Variants in ASIC2 observed in about 807,000 individuals in gnomAD.
The protein encoded by ASIC2 is acid sensing ion channel subunit 2.
Under a neutral mutation model 57.3 loss-of-function variants are expected in ASIC2, and 25 were observed. That is an observed-to-expected ratio of 0.44 (90% confidence interval 0.32 to 0.61). The LOEUF is 0.61. Ranked by LOEUF, ASIC2 falls within the 20% of genes least tolerant of loss-of-function variation. The pLI is 0.06. For missense variants in ASIC2, 641 were observed against 738.1 expected (o/e 0.87, Z 1.52); for synonymous variants, 319 against 307.5 (o/e 1.04, Z -0.39).
chr17:33,023,886 A>G lies in ASIC2; in HGVS notation c.1324T>C (p.Phe442Leu), dbSNP rs2091848927. ...KTSAKYLEKK[F>L]NKSEKYISEN... ...GAGATATATTTTTCTGATTTGTTAA[A>G]TTTCTTCTCAAGGTACTTGGCTGAT... Residue 442 changes from phenylalanine to leucine, a missense_variant, in exon 6 of 10, where the codon TTT becomes CTT. Physicochemically the swap from Phe to Leu is conservative, Grantham distance 22 (BLOSUM62 0). This residue lies in a region of ASIC2 where 252 missense variants were observed against 319.8 expected (regional missense o/e 0.79). Transcript: ENST00000225823. The G allele has an allele frequency of 6.2e-7, 1 of 1,613,980 alleles. No individual in the cohort carries two copies. Among genetic ancestry groups the G allele is most frequent in the African/African-American group, 1.3e-5 (1 of 74,864 alleles).
rs377088197 is a variant in ASIC2 at position 33,868,434 on chromosome 17, A to G, written c.555+287544T>C. ...TGAAGTCAGACCCCTACCTCACACCATTTGCAAAAGTTTTAATGCAAAATG... is the reference window on the plus strand; with the variant it reads ...TGAAGTCAGACCCCTACCTCACACCGTTTGCAAAAGTTTTAATGCAAAATG... On this transcript the variant is annotated intron_variant, in intron 1 of 9. Coordinates refer to the ASIC2 transcript ENST00000359872. Among the ~76,000 whole-genome samples the G allele has an allele frequency of 1.1e-3, 166 of 152,344 alleles. 2 individuals carry two copies. In the South Asian group the frequency reaches 0.031, roughly 28 times the overall value.
intron 1 of ASIC2, among the ~76,000 whole-genome samples, chr17:33,435,834 C>G (rs532584505): frequency 6.6e-6 from 1 of 152,326 alleles, no homozygotes; most frequent in South Asian, 2.1e-4. Flanking sequence ...CACTTGTGGT[C>G]TGGCCAAAGT....
chr17:33,867,807 C>A (rs993829945), intron 1 of ASIC2, among the ~76,000 whole-genome samples: 1 of 152,168 alleles, frequency 6.6e-6, no homozygotes, highest in South Asian at 2.1e-4. Flanking sequence ...TATATCTTTA[C>A]CTTATCAAGG....
intron 1 of ASIC2, among the ~76,000 whole-genome samples, chr17:33,464,342 A>C (rs1191262888): frequency 6.6e-6 from 1 of 152,114 alleles, no homozygotes; most frequent in Non-Finnish European, 1.5e-5. Context: ...GTGTGAACCA[A>C]ATTGGAAAGC....
chr17:33,751,499 G>A (rs763330065), intron 1 of ASIC2, among the ~76,000 whole-genome samples: 1 of 152,042 alleles, frequency 6.6e-6, no homozygotes, highest in South Asian at 2.1e-4. Context: ...CTGAATTTGA[G>A]GTCTGAGACA....
intron 3 of ASIC2, among the ~76,000 whole-genome samples, chr17:33,040,206 T>C (rs1017329491): frequency 1.3e-5 from 2 of 152,342 alleles, no homozygotes; most frequent in African/African-American, 4.8e-5. Context: ...CAGTGAGTGA[T>C]GGCTGGAGCC....
intron 1 of ASIC2, among the ~76,000 whole-genome samples, chr17:33,980,429 G>C (rs746845160): frequency 1.2e-4 from 19 of 152,194 alleles, no homozygotes; most frequent in Non-Finnish European, 1.9e-4. Context: ...AAGAAAGGGA[G>C]ACTAGGAAGT....
chr17:33,977,605 TG>T (rs1905441921), intron 1 of ASIC2, among the ~76,000 whole-genome samples: 1 of 152,204 alleles, frequency 6.6e-6, no homozygotes, highest in Non-Finnish European at 1.5e-5. Flanking sequence ...TCGATAACCA[TG>T]GCATTTTTCT....
chr17:33,389,095 G>A (rs564668922), intron 1 of ASIC2, among the ~76,000 whole-genome samples: 1 of 152,326 alleles, frequency 6.6e-6, no homozygotes, highest in South Asian at 2.1e-4. Context: ...AAATAGCTGG[G>A]ATTACAGGCA....
chr17:33,887,573 A>T (rs557632612), intron 1 of ASIC2, among the ~76,000 whole-genome samples: 1 of 152,284 alleles, frequency 6.6e-6, no homozygotes, highest in South Asian at 2.1e-4. Flanking sequence ...ACTGGGTATG[A>T]CTGGTGCTTT....
chr17:33,379,512 G>A (rs956427545), intron 1 of ASIC2, among the ~76,000 whole-genome samples: 3 of 152,134 alleles, frequency 2.0e-5, no homozygotes, highest in Non-Finnish European at 2.9e-5. Flanking sequence ...GAGGATTCCC[G>A]TGGATGCCCC....
At chr17:34,030,232 G>T (rs80059753) in intron 1 of ASIC2, among the ~76,000 whole-genome samples, 2,046 of 152,298 alleles carry the variant, frequency 0.013, 44 homozygotes, top group East Asian at 0.06. Context: ...ATGCACTTCT[G>T]CCCTGCTCCT....
chr17:33,712,632 A>G (rs542618881), intron 1 of ASIC2, among the ~76,000 whole-genome samples: 1 of 115,620 alleles, frequency 8.6e-6, no homozygotes, highest in East Asian at 2.9e-4. Context: ...GCTTACTCAT[A>G]TGGCTTTTTT....
At chr17:33,852,749 C>A (rs1419224642) in intron 1 of ASIC2, among the ~76,000 whole-genome samples, 1 of 152,276 alleles carries the variant, frequency 6.6e-6, no homozygotes, top group African/African-American at 2.4e-5. Context: ...TCACACAGAT[C>A]TTCGATGGAT....
intron 1 of ASIC2, among the ~76,000 whole-genome samples, chr17:33,670,759 G>A (rs1342984592): frequency 6.6e-6 from 1 of 152,208 alleles, no homozygotes; most frequent in African/African-American, 2.4e-5. Context: ...CTCAGACTGG[G>A]TACACAGGCT....
At chr17:33,390,003 G>A (rs921865291) in intron 1 of ASIC2, among the ~76,000 whole-genome samples, 1 of 152,050 alleles carries the variant, frequency 6.6e-6, no homozygotes, top group Non-Finnish European at 1.5e-5. Flanking sequence ...GGCACATGCT[G>A]CTCCTTCTGC....
chr17:33,518,625 A>G (rs1425954270), intron 1 of ASIC2, among the ~76,000 whole-genome samples: 1 of 152,242 alleles, frequency 6.6e-6, no homozygotes, highest in African/African-American at 2.4e-5. Flanking sequence ...CTTTTAAAAA[A>G]CAATAGCACC....
intron 1 of ASIC2, among the ~76,000 whole-genome samples, chr17:33,884,151 T>TG (rs1914769120): frequency 6.6e-6 from 1 of 152,238 alleles, no homozygotes; most frequent in South Asian, 2.1e-4. Context: ...CCATTCCATC[T>TG]GGGCTCTCTT....
intron 1 of ASIC2, among the ~76,000 whole-genome samples, chr17:33,279,534 C>A (rs913995403): frequency 1.3e-5 from 2 of 152,066 alleles, no homozygotes; most frequent in African/African-American, 4.8e-5. Flanking sequence ...GGTTAAAATT[C>A]TTGGAACGTG....
Sources: gnomAD v4.1 joint callset for allele counts (sites outside exome capture counted in the v4.1 genomes callset) on GRCh38, gnomAD v4.1.1 for gene constraint, gnomAD v4.1.1 regional missense constraint, MANE v1.5 for transcripts, NCBI Gene and HGNC (gene_info 2026-07-23, HGNC 2026-07-21) for gene names.